The following ARHGAP35 variants were observed in gnomAD, a reference collection of about 807,000 sequenced individuals.
The protein encoded by ARHGAP35 is Rho GTPase activating protein 35.
A neutral mutation model predicts 111.1 loss-of-function variants in ARHGAP35; 15 were observed. The observed-to-expected ratio is 0.13, with a 90% CI of 0.09 to 0.21. The LOEUF (loss-of-function observed/expected upper bound fraction) is 0.21. Among genes scored for constraint, ARHGAP35 ranks in the 10% least tolerant of loss-of-function variants. The probability of loss-of-function intolerance (pLI) is 1.00; values close to 1 mark genes in which losing one functional copy is unlikely to be tolerated. For synonymous variants in ARHGAP35, 643 were observed against 710.3 expected, an observed-to-expected ratio of 0.91 and a Z score of 1.51; for missense variants, 1,262 against 1,873.0, an observed-to-expected ratio of 0.67 and a Z score of 6.02.
chr19:46,952,266 A>G (rs1299098581), intron 3 of ARHGAP35, among the ~76,000 whole-genome samples: 1 of 152,042 alleles, frequency 6.6e-6, no homozygotes, highest in Non-Finnish European at 1.5e-5. Flanking sequence ...CAAAGTTCTG[A>G]ATGAGTGTGT....
chr19:46,959,072 T>A (rs901905474), intron 3 of ARHGAP35, among the ~76,000 whole-genome samples: 30 of 151,890 alleles, frequency 2.0e-4, no homozygotes, highest in African/African-American at 2.7e-4. Context: ...TCTCCTTTTT[T>A]AAAAAAAAAT....
Position 47,000,249 on chromosome 19 carries a change from CCTGGGTGCTG to C in ARHGAP35, c.4143-81_4143-72del. On this transcript the variant is annotated intron_variant, in intron 6 of 6. Transcript: ENST00000672722. The surrounding 1 kb of genome is among the most constrained non-coding windows in gnomAD (Gnocchi z 6.9). The stretch of plus-strand genomic sequence containing the variant: ...CCTGAGGGAAGAAAGGTGGGCTCAG[CCTGGGTGCTG>C]AAGACCATGAGCGCCCAGGGCCAGG... 1 of 1,430,080 alleles carries C rather than the reference CCTGGGTGCTG, an allele frequency of 7.0e-7. No individual in the cohort carries two copies. The highest frequency in any genetic ancestry group is 9.6e-7 in the Non-Finnish European group (1 of 1,044,114). 88.6% of individuals were successfully genotyped at this position (1,430,080 alleles called of 1,614,324 possible).
At chr19:46,982,864 G>A (rs2056628057) in intron 3 of ARHGAP35, among the ~76,000 whole-genome samples, 2 of 151,696 alleles carry the variant, frequency 1.3e-5, no homozygotes, top group African/African-American at 4.8e-5. Flanking sequence ...GGGCAACAAA[G>A]TGAGACCCCC....
intron 1 of ARHGAP35, among the ~76,000 whole-genome samples, chr19:46,881,206 C>T (rs547271023): frequency 3.9e-5 from 6 of 152,260 alleles, no homozygotes; most frequent in South Asian, 2.1e-4. Flanking sequence ...TCCCAAAGTG[C>T]AGGGATTATA....
chr19:46,964,182 A>G (rs2056500483), intron 3 of ARHGAP35, among the ~76,000 whole-genome samples: 1 of 151,870 alleles, frequency 6.6e-6, no homozygotes, highest in Non-Finnish European at 1.5e-5. Context: ...ATGAGTCATT[A>G]TTATATGCCC....
Position 46,920,385 on chromosome 19 carries a change from T to C in ARHGAP35, c.1710T>C (p.Ile570=). The C allele has an allele frequency of 6.2e-7, 1 of 1,614,020 alleles. No individual in the cohort carries two copies. Among genetic ancestry groups the C allele is most frequent in the Non-Finnish European group, 8.5e-7 (1 of 1,179,892 alleles). Residue 570 remains isoleucine, a synonymous_variant, in exon 2 of 7, where the codon ATT becomes ATC. Transcript: ENST00000672722. This position sits in a 1 kb window ranked among gnomAD's most constrained non-coding sequence, Gnocchi z 7.0. ...GCCCAGCTTGTGTGGACGCTAAGAT[T>C]GAGCACTTGATTAGTTCTCGGTTTA... is the stretch of plus-strand genomic sequence containing the variant. The part of the protein sequence containing the change: ...PSCPACVDAK[I]EHLISSRFIR...
intron 2 of ARHGAP35, among the ~76,000 whole-genome samples, chr19:46,923,921 A>G (rs75938500): frequency 5.6e-5 from 7 of 123,912 alleles, no homozygotes; most frequent in Admixed American, 2.2e-4. Flanking sequence ...ACTCTGTCTC[A>G]AAAAAAAAAA....
intron 1 of ARHGAP35, among the ~76,000 whole-genome samples, chr19:46,877,922 G>A (rs1333652745): frequency 6.6e-6 from 1 of 151,962 alleles, no homozygotes; most frequent in Non-Finnish European, 1.5e-5. Context: ...TGGCCAAGCT[G>A]GTCTCGAACT....
At chr19:46,938,300 T>C (rs1423465076) in intron 3 of ARHGAP35, among the ~76,000 whole-genome samples, 1 of 152,242 alleles carries the variant, frequency 6.6e-6, no homozygotes, top group African/African-American at 2.4e-5. Flanking sequence ...TGTTCATATT[T>C]ACTTAGGATG....
At position 46,921,687 on chromosome 19, in the gene ARHGAP35, T is replaced by C. The variant is rs2056201947; in HGVS notation, c.3012T>C (p.Ser1004=). 6 of 1,614,012 alleles carry C rather than the reference T, an allele frequency of 3.7e-6. 1 individual carries two copies. The East Asian group carries it at 1.3e-4, about 36-fold the overall frequency. Residue 1004 remains serine (S), a synonymous_variant, in exon 2 of 7, where the codon TCT becomes TCC. Transcript: ENST00000672722. The surrounding 1 kb of genome is among the most constrained non-coding windows in gnomAD (Gnocchi z 4.3). ...SLFREDTSLP[S]LSKDHSKLSM... ...TTCGAGAAGACACATCACTGCCTTC[T>C]CTGTCCAAAGACCATTCTAAGCTCT...
chr19:46,864,443 C>T (rs1447679756), intron 1 of ARHGAP35, among the ~76,000 whole-genome samples: 1 of 152,120 alleles, frequency 6.6e-6, no homozygotes, highest in Non-Finnish European at 1.5e-5. Context: ...ATTAAAGTAG[C>T]CATCCAACTG....
chr19:46,878,177 C>T (rs186753662), intron 1 of ARHGAP35, among the ~76,000 whole-genome samples: 161 of 152,144 alleles, frequency 1.1e-3, no homozygotes, highest in Middle Eastern at 6.8e-3. Context: ...CGCACCACCA[C>T]ACCTGGCTAA....
In ARHGAP35 at chr19:46,921,882, G is replaced by C; in HGVS notation, c.3207G>C (p.Lys1069Asn). 6.2e-7 allele frequency: 1 copy of C among 1,614,014 alleles called. No individual in the cohort carries two copies. Among genetic ancestry groups the C allele is most frequent in the South Asian group, 1.1e-5 (1 of 91,082 alleles). Residue 1069 changes from lysine to asparagine, a missense_variant, in exon 2 of 7, where the codon AAG (lysine) becomes AAC (asparagine). Lys to Asn is a moderately conservative substitution (Grantham distance 94). Coordinates refer to ENST00000672722, the MANE Select transcript of ARHGAP35 (RefSeq NM_004491.5). The surrounding 1 kb of genome is among the most constrained non-coding windows in gnomAD (Gnocchi z 4.3). ...LDQGHRDGQR[K>N]SVSSSPWLPQ... is the part of the protein sequence containing the mutation. ...AAGGCCATAGGGATGGACAGAGGAA[G>C]TCTGTGTCTTCTAGCCCCTGGCTGC...
rs2056758272 is a variant in ARHGAP35, at chr19:47,003,335, A to C, written c.*2647A>C. 6.6e-6 allele frequency: 1 copy of C among 152,270 alleles called. No homozygotes were observed. The highest frequency in any genetic ancestry group is 2.1e-4 in the South Asian group (1 of 4,834). The allele number at this position is 152,270 out of a possible 1,614,324, so 9.4% of individuals were successfully genotyped here. A position where few individuals can be genotyped will look rare whatever the true frequency, so the allele number is the denominator to read the frequency against. On this transcript the variant is annotated 3_prime_UTR_variant, in exon 7 of 7. Coordinates refer to ENST00000672722, the MANE Select transcript of ARHGAP35 (RefSeq NM_004491.5). ...CACAGAGGGTGCTCATGGGACTCGC[A>C]TGCAGCTCTCAGCACTGGGTGGGAG...
intron 3 of ARHGAP35, among the ~76,000 whole-genome samples, chr19:46,962,290 G>C (rs1401287622): frequency 6.6e-6 from 1 of 152,202 alleles, no homozygotes; most frequent in Non-Finnish European, 1.5e-5. Flanking sequence ...TGCCATATGA[G>C]CAGCTCAGGG....
At chr19:46,984,698 C>A (rs2122328883) in intron 3 of ARHGAP35, among the ~76,000 whole-genome samples, 1 of 152,284 alleles carries the variant, frequency 6.6e-6, no homozygotes, top group Non-Finnish European at 1.5e-5. Flanking sequence ...ACAGGAAGTA[C>A]TAAGTTGATG....
rs780973219 is a variant in ARHGAP35, at chr19:46,921,125, A to G, written c.2450A>G (p.Asn817Ser). 13 of 1,614,014 alleles carry G rather than the reference A, an allele frequency of 8.1e-6. No individual in the cohort carries two copies. In the Admixed American group the frequency reaches 2.2e-4, roughly 27 times the overall value. Reference protein sequence around the residue: ...QTCKSSHCGSNNSVLLELPIG... With the variant: ...QTCKSSHCGSSNSVLLELPIG... ...TGTAAATCTTCCCATTGTGGAAGCA[A>G]CAACTCTGTTTTACTTGAACTACCA... Residue 817 changes from asparagine (N) to serine (S), a missense_variant, in exon 2 of 7, where the codon AAC becomes AGC. Transcript: ENST00000672722. This position sits in a 1 kb window ranked among gnomAD's most constrained non-coding sequence, Gnocchi z 4.3.
At chr19:46,892,143 AAAAAG>A (rs2056027798) in intron 1 of ARHGAP35, among the ~76,000 whole-genome samples, 1 of 149,924 alleles carries the variant, frequency 6.7e-6, no homozygotes, top group African/African-American at 2.4e-5. Context: ...AAAAAAAAAA[AAAAAG>A]AAAAATTAGC....
intron 1 of ARHGAP35, among the ~76,000 whole-genome samples, chr19:46,899,682 A>G (rs1003067921): frequency 1.3e-5 from 2 of 151,606 alleles, no homozygotes; most frequent in Admixed American, 6.6e-5. Context: ...CCTGGGTGAC[A>G]GAGTGAGACC....
Sources: allele counts gnomAD v4.1 joint callset (sites outside exome capture counted in the v4.1 genomes callset), GRCh38; gene constraint gnomAD v4.1.1; non-coding constraint Gnocchi (gnomAD v3.1); transcripts MANE v1.5; gene names NCBI Gene and HGNC (gene_info 2026-07-23, HGNC 2026-07-21).